The following PJA2 variants were observed in gnomAD, a reference collection of about 807,000 sequenced individuals.
PJA2 encodes E3 ubiquitin-protein ligase Praja-2.
Under a neutral mutation model 69.3 loss-of-function variants are expected in PJA2, and 25 were observed. That is an observed-to-expected ratio of 0.36 (90% CI 0.26 to 0.50). PJA2 has a LOEUF of 0.50. PJA2 is among the 20% of genes least tolerant of loss of function. The probability of loss-of-function intolerance (pLI) is 0.96; values close to 1 mark genes in which losing one functional copy is unlikely to be tolerated. For synonymous variants in PJA2, 308 were observed against 277.8 expected, an observed-to-expected ratio of 1.11 and a Z score of -1.08; for missense variants, 809 against 830.2, an observed-to-expected ratio of 0.97 and a Z score of 0.31.
intron 4 of PJA2, among the ~76,000 whole-genome samples, chr5:109,374,783 A>G (rs1188240194): frequency 2.0e-5 from 3 of 152,254 alleles, no homozygotes; most frequent in Admixed American, 6.5e-5. Flanking sequence ...AGTAAGGAAC[A>G]GACAGTAGAT....
chr5:109,408,287 C>T (rs1747736509), intron 1 of PJA2, among the ~76,000 whole-genome samples: 2 of 151,950 alleles, frequency 1.3e-5, no homozygotes, highest in Non-Finnish European at 2.9e-5. Flanking sequence ...AATTAAACAT[C>T]GATCAATAAA....
intron 9 of PJA2, among the ~76,000 whole-genome samples, chr5:109,337,728 G>T (rs1464542181): frequency 6.6e-6 from 1 of 151,870 alleles, no homozygotes; most frequent in East Asian, 1.9e-4. Context: ...ACAATAATCT[G>T]AATTATCATT....
At chr5:109,386,622 C>A (rs1279870910) in intron 1 of PJA2, among the ~76,000 whole-genome samples, 3 of 152,024 alleles carry the variant, frequency 2.0e-5, no homozygotes, top group African/African-American at 7.2e-5. Flanking sequence ...GTTAAGTACC[C>A]TACTTTGAAT....
At chr5:109,374,726 T>C (rs972414522) in intron 4 of PJA2, among the ~76,000 whole-genome samples, 1 of 152,226 alleles carries the variant, frequency 6.6e-6, no homozygotes, top group Non-Finnish European at 1.5e-5. Context: ...TAAGCAAAGT[T>C]AAGTCCTAAG....
intron 6 of PJA2, among the ~76,000 whole-genome samples, chr5:109,359,375 CT>C (rs1431333730): frequency 6.6e-5 from 10 of 151,854 alleles, no homozygotes; most frequent in African/African-American, 2.4e-4. Context: ...ATCAGCACCC[CT>C]AACCCGTGTT....
At chr5:109,391,809 C>T (rs1246911316) in intron 1 of PJA2, among the ~76,000 whole-genome samples, 1 of 152,022 alleles carries the variant, frequency 6.6e-6, no homozygotes, top group Non-Finnish European at 1.5e-5. Flanking sequence ...TTATCACATT[C>T]CAACACATAG....
At chr5:109,392,310 C>A (rs1488825531) in intron 1 of PJA2, among the ~76,000 whole-genome samples, 1 of 150,330 alleles carries the variant, frequency 6.7e-6, no homozygotes, top group African/African-American at 2.4e-5. Context: ...CCTGAAATCT[C>A]AGCAGTTTGG....
intron 7 of PJA2, among the ~76,000 whole-genome samples, chr5:109,346,852 T>C (rs188063247): frequency 6.6e-6 from 1 of 152,328 alleles, no homozygotes; most frequent in East Asian, 1.9e-4. Flanking sequence ...AAATTTTATA[T>C]TATGTTTATT....
chr5:109,361,053 G>A (rs1190658861), intron 6 of PJA2, among the ~76,000 whole-genome samples: 1 of 151,228 alleles, frequency 6.6e-6, no homozygotes, highest in Non-Finnish European at 1.5e-5. Flanking sequence ...ACTTGAACCC[G>A]GGAGGCAGAA....
intron 9 of PJA2, among the ~76,000 whole-genome samples, chr5:109,337,658 T>C (rs966347324): frequency 1.3e-5 from 2 of 152,160 alleles, no homozygotes; most frequent in Non-Finnish European, 1.5e-5. Context: ...AGTGATGCAA[T>C]GGCAGAGGGT....
chr5:109,402,990 T>A, intron 1 of PJA2, among the ~76,000 whole-genome samples: 1 of 151,624 alleles, frequency 6.6e-6, no homozygotes, highest in Non-Finnish European at 1.5e-5. Context: ...TAAATTAACA[T>A]AGAGGAATTT....
At chr5:109,407,851 T>C (rs1435723446) in intron 1 of PJA2, among the ~76,000 whole-genome samples, 2 of 151,998 alleles carry the variant, frequency 1.3e-5, no homozygotes, top group African/African-American at 4.8e-5. Context: ...TAAAACAAGA[T>C]GTGAATAAAA....
Position 109,356,032 on chromosome 5 carries a change from A to G in PJA2, c.1653-6T>C. 1.3e-6 allele frequency: 2 copies of G among 1,581,300 alleles called. No homozygotes were observed. Among genetic ancestry groups the G allele is most frequent in the Non-Finnish European group, 1.7e-6 (2 of 1,159,598 alleles). The stretch of plus-strand genomic sequence containing the variant: ...CTGCAAAGCCATCAAATAGGCTGAA[A>G]AAAAAAAAAAATAACAGAAAAAACT... On this transcript the variant is annotated splice_polypyrimidine_tract_variant and splice_region_variant and intron_variant, in intron 6 of 9. Transcript: ENST00000361189.
intron 7 of PJA2, among the ~76,000 whole-genome samples, chr5:109,347,647 CA>C (rs1762191368): frequency 1.3e-5 from 2 of 152,094 alleles, no homozygotes; most frequent in African/African-American, 4.8e-5. Flanking sequence ...AAATTTCCAG[CA>C]AGTTCTGCCA....
intron 6 of PJA2, among the ~76,000 whole-genome samples, chr5:109,356,536 G>C (rs536270945): frequency 1.7e-4 from 26 of 152,146 alleles, no homozygotes; most frequent in Admixed American, 1.5e-3. Context: ...AACACTTCTG[G>C]TACCAAACAT....
intron 1 of PJA2, among the ~76,000 whole-genome samples, chr5:109,388,670 T>C (rs1424077659): frequency 1.3e-5 from 2 of 152,134 alleles, no homozygotes; most frequent in African/African-American, 4.8e-5. Flanking sequence ...GTATCTTTTC[T>C]AGAAAAAAAA....
chr5:109,364,408 G>A lies in PJA2; in HGVS notation c.1470-1386C>T, dbSNP rs1045280502. On this transcript the variant is annotated intron_variant, in intron 5 of 9. Transcript: ENST00000361189. ...GGAGGCCGAGGCGGGCGGATCACGA[G>A]GTCAGGAGATCGAGACCATCCCGGC... Among the ~76,000 whole-genome samples, 4 of 151,734 alleles carry A rather than the reference G, an allele frequency of 2.6e-5. No homozygotes were observed. The South Asian group carries it at 8.3e-4, about 32-fold the overall frequency.
Position 109,383,522 on chromosome 5 carries a change from T to C in PJA2, c.-87-2A>G. On this transcript the variant is annotated splice_acceptor_variant, in intron 1 of 9. Transcript: ENST00000361189. LOFTEE classifies it low-confidence loss of function (5UTR_SPLICE). Reference sequence around the variant, plus strand: ...CTATGGACAAGCCGCAGAAGATTCCTACAAAGAAACAATGAATTGAACAAT... The same window carrying C: ...CTATGGACAAGCCGCAGAAGATTCCCACAAAGAAACAATGAATTGAACAAT... 9.3e-7 allele frequency: 1 copy of C among 1,075,124 alleles called. No individual in the cohort carries two copies. Among genetic ancestry groups the C allele is most frequent in the Admixed American group, 2.1e-5 (1 of 46,628 alleles). 66.6% of individuals were successfully genotyped at this position (1,075,124 alleles called of 1,614,324 possible). A position where few individuals can be genotyped will look rare whatever the true frequency, so the allele number is the denominator to read the frequency against.
At chr5:109,385,004 A>G (rs1191353918) in intron 1 of PJA2, among the ~76,000 whole-genome samples, 1 of 152,068 alleles carries the variant, frequency 6.6e-6, no homozygotes, top group Non-Finnish European at 1.5e-5. Context: ...TTTAGTAGAG[A>G]CAGGGTTTCA....
Sources: gnomAD v4.1 joint callset for allele counts (sites outside exome capture counted in the v4.1 genomes callset) on GRCh38, gnomAD v4.1.1 for gene constraint, MANE v1.5 for transcripts, NCBI Gene and HGNC (gene_info 2026-07-23, HGNC 2026-07-21) for gene names.